Variants in VRK2 observed in about 807,000 individuals in gnomAD.
VRK2 encodes the protein serine/threonine-protein kinase VRK2.
In VRK2, 60 loss-of-function variants were observed where a neutral mutation model predicts 57.6. The observed-to-expected ratio is 1.04, with a 90% CI of 0.85 to 1.29. VRK2 has a LOEUF of 1.29. Among genes scored for constraint, VRK2 ranks in the 50% most tolerant of loss-of-function variants. The pLI, the probability that VRK2 is intolerant of heterozygous loss-of-function variation, is 0.00. For synonymous variants in VRK2, 231 were observed against 199.2 expected (o/e 1.16, Z -1.35); for missense variants, 705 against 588.1 (o/e 1.20, Z -2.06).
In VRK2 at chr2:57,975,012, T is replaced by G. The variant is rs534661416; in HGVS notation, c.-438-50653T>G. 2.0e-4 allele frequency among the ~76,000 whole-genome samples: 31 copies of G among 152,090 alleles called. No individual in the cohort carries two copies. The South Asian group carries it at 3.9e-3, about 19-fold the overall frequency. On this transcript the variant is annotated intron_variant, in intron 1 of 15. Transcript: ENST00000417641. ...TTTAAACAATATAAGTTTTAAGATA[T>G]GTTAAACTTTATACAGCATATCATA...
intron 12 of VRK2, among the ~76,000 whole-genome samples, chr2:58,153,270 G>A (rs1683322428): frequency 6.6e-6 from 1 of 151,982 alleles, no homozygotes; most frequent in South Asian, 2.1e-4. Flanking sequence ...GTAATCTGAA[G>A]TATGGATATA....
intron 7 of VRK2, among the ~76,000 whole-genome samples, chr2:58,102,243 A>G (rs1044524580): frequency 2.0e-5 from 3 of 151,614 alleles, no homozygotes; most frequent in African/African-American, 7.3e-5. Flanking sequence ...AAGCCCTCAC[A>G]TATTAATATT....
intron 12 of VRK2, among the ~76,000 whole-genome samples, chr2:58,155,255 CTT>C (rs958563859): frequency 2.6e-5 from 4 of 152,176 alleles, no homozygotes; most frequent in African/African-American, 9.7e-5. Context: ...GATGCCAACT[CTT>C]TGCTGTTTAA....
At chr2:58,152,923 G>T (rs1488688986) in intron 12 of VRK2, among the ~76,000 whole-genome samples, 3 of 151,710 alleles carry the variant, frequency 2.0e-5, no homozygotes, top group African/African-American at 7.3e-5. Context: ...ACCTTATTAG[G>T]ATATCACCAA....
At chr2:57,959,622 G>A (rs561623722) in intron 1 of VRK2, among the ~76,000 whole-genome samples, 5 of 152,198 alleles carry the variant, frequency 3.3e-5, no homozygotes, top group African/African-American at 9.6e-5. Flanking sequence ...CTGTAATGTC[G>A]ACAGCAGGTT....
At chr2:58,094,139 G>T (rs1177961087) in intron 7 of VRK2, among the ~76,000 whole-genome samples, 1 of 152,176 alleles carries the variant, frequency 6.6e-6, no homozygotes, top group Non-Finnish European at 1.5e-5. Flanking sequence ...GATTGTCTTG[G>T]CAATGCAGGC....
chr2:58,109,982 A>G (rs1675320339), intron 7 of VRK2, among the ~76,000 whole-genome samples: 1 of 152,208 alleles, frequency 6.6e-6, no homozygotes, highest in African/African-American at 2.4e-5. Context: ...AAAAGCCTAC[A>G]AGCATCAGGA....
At chr2:57,921,669 C>T (rs1219236392) in intron 1 of VRK2, among the ~76,000 whole-genome samples, 1 of 152,096 alleles carries the variant, frequency 6.6e-6, no homozygotes, top group Non-Finnish European at 1.5e-5. Context: ...TTTGAAGCAA[C>T]TGCTAGTTCC....
At chr2:57,916,495 C>A (rs1670157071) in intron 1 of VRK2, among the ~76,000 whole-genome samples, 1 of 151,672 alleles carries the variant, frequency 6.6e-6, no homozygotes, top group Admixed American at 6.6e-5. Context: ...TCAGGTTAGC[C>A]TATAAGTTTT....
At chr2:58,158,728 A>C (rs1339277775) in intron 12 of VRK2, among the ~76,000 whole-genome samples, 1 of 152,162 alleles carries the variant, frequency 6.6e-6, no homozygotes, top group Non-Finnish European at 1.5e-5. Context: ...AAAACATAGA[A>C]GTAGCTCCCG....
intron 1 of VRK2, among the ~76,000 whole-genome samples, chr2:57,972,287 T>G (rs1033894673): frequency 6.6e-6 from 1 of 151,778 alleles, no homozygotes; most frequent in Non-Finnish European, 1.5e-5. Context: ...TGACATAATA[T>G]TGATATTTCT....
chr2:57,915,099 A>C lies in VRK2; in HGVS notation c.-439+7260A>C, dbSNP rs139155608. 2.5e-4 allele frequency among the ~76,000 whole-genome samples: 38 copies of C among 152,296 alleles called. 1 individual carries two copies. In the East Asian group the frequency reaches 4.2e-3, roughly 17 times the overall value. The stretch of plus-strand genomic sequence containing the variant: ...TTTACCTAAAAAGGACAAAATTAGA[A>C]ATAGCAAAATAAAATCATAGTTCTT... On this transcript the variant is annotated intron_variant, in intron 1 of 15. Transcript: ENST00000417641.
rs551798689 is a variant in VRK2 at position 57,950,675 on chromosome 2, T to C, written c.-439+42836T>C. Among the ~76,000 whole-genome samples, 130 of 152,306 alleles carry C rather than the reference T, an allele frequency of 8.5e-4. 1 individual carries two copies. Among genetic ancestry groups the C allele is most frequent in the African/African-American group, 3.1e-3 (130 of 41,572 alleles). ...TCTAGGAGTAATTTCAAATTTCAAG[T>C]CATTATTTAAGAAATACATTTTGTA... On this transcript the variant is annotated intron_variant, in intron 1 of 15. Transcript: ENST00000417641.
intron 2 of VRK2, among the ~76,000 whole-genome samples, chr2:58,052,815 A>G (rs988326560): frequency 1.1e-4 from 16 of 152,186 alleles, no homozygotes; most frequent in African/African-American, 3.4e-4. Flanking sequence ...AGTAGTGAAA[A>G]GTTCTCATAT....
intron 1 of VRK2, among the ~76,000 whole-genome samples, chr2:57,999,860 T>C (rs1462490939): frequency 6.6e-6 from 1 of 152,162 alleles, no homozygotes; most frequent in Non-Finnish European, 1.5e-5. Flanking sequence ...TAAAAACTAT[T>C]ATAGCCAGTT....
intron 1 of VRK2, among the ~76,000 whole-genome samples, chr2:57,919,774 T>C (rs1271901117): frequency 1.3e-5 from 2 of 152,128 alleles, no homozygotes; most frequent in African/African-American, 4.8e-5. Flanking sequence ...TTGGATATAG[T>C]TTATTAATGG....
At chr2:57,927,903 GC>G (rs1201703612) in intron 1 of VRK2, among the ~76,000 whole-genome samples, 1 of 152,114 alleles carries the variant, frequency 6.6e-6, no homozygotes, top group African/African-American at 2.4e-5. Context: ...CTAAAAGTCT[GC>G]TGCCAGATGT....
At position 58,131,897 on chromosome 2, in the gene VRK2, G is replaced by A. The variant is rs1679252593; in HGVS notation, c.766G>A (p.Asp256Asn). 6.2e-7 allele frequency: 1 copy of A among 1,613,976 alleles called. No homozygotes were observed. The highest frequency in any genetic ancestry group is 1.1e-5 in the South Asian group (1 of 91,088). ...ACTTCCCTGGGAACAGAACCTGAAG[G>A]ACCCTGTGGCTGTGCAGACTGCTAA... Reference protein sequence around the residue: ...GKLPWEQNLKDPVAVQTAKTN... With the variant: ...GKLPWEQNLKNPVAVQTAKTN... The change falls in exon 9 of 13, where the codon GAC becomes AAC. Residue 256 changes from aspartate to asparagine, a missense_variant. Transcript: ENST00000340157.
chr2:57,985,048 CTG>C (rs1234603608), intron 1 of VRK2, among the ~76,000 whole-genome samples: 4 of 151,894 alleles, frequency 2.6e-5, no homozygotes, highest in African/African-American at 9.7e-5. Context: ...CTCTGATTTT[CTG>C]ATCATTTGAG....
Sources: allele counts gnomAD v4.1 joint callset (sites outside exome capture counted in the v4.1 genomes callset), GRCh38; gene constraint gnomAD v4.1.1; transcripts MANE v1.5; gene names NCBI Gene and HGNC (gene_info 2026-07-23, HGNC 2026-07-21).